Variants in CCDC191 observed in about 807,000 individuals in gnomAD.
CCDC191 encodes the protein coiled-coil domain-containing protein 191.
Under a neutral mutation model 114.0 loss-of-function variants are expected in CCDC191, and 99 were observed. That is an observed-to-expected ratio of 0.87 (90% CI 0.74 to 1.03). The LOEUF is 1.03. Ranked by LOEUF, CCDC191 falls within the 50% of genes least tolerant of loss-of-function variation. The pLI is 0.00. For synonymous variants in CCDC191, 351 were observed against 376.0 expected (o/e 0.93, Z 0.77); for missense variants, 973 against 1,087.0 (o/e 0.90, Z 1.47).
At chr3:114,000,444 C>G (rs931118007) in intron 13 of CCDC191, among the ~76,000 whole-genome samples, 1 of 152,166 alleles carries the variant, frequency 6.6e-6, no homozygotes, top group African/African-American at 2.4e-5. Context: ...TGGCAGATGG[C>G]AGATCATGAG....
chr3:114,047,801 C>T (rs531174640), intron 2 of CCDC191, among the ~76,000 whole-genome samples: 2 of 151,918 alleles, frequency 1.3e-5, no homozygotes, highest in Non-Finnish European at 2.9e-5. Context: ...ACGGTGAAAC[C>T]CTGTATCTAC....
intron 13 of CCDC191, among the ~76,000 whole-genome samples, chr3:113,998,125 G>A (rs1239727393): frequency 6.6e-6 from 1 of 151,758 alleles, no homozygotes; most frequent in East Asian, 1.9e-4. Context: ...GACCCACATA[G>A]AGAAACCTGG....
chr3:114,031,874 C>T (rs1469387733), intron 6 of CCDC191, 95 bp from the exon 7 acceptor site: 2 of 624,726 alleles, frequency 3.2e-6, no homozygotes, highest in East Asian at 5.8e-5. Context: ...CTGAATTCTC[C>T]TTCGGAATAC....
At chr3:114,018,639 G>A (rs554633481) in intron 8 of CCDC191, 39 bp downstream of exon 8, 2 of 1,514,868 alleles carry the variant, frequency 1.3e-6, no homozygotes, top group East Asian at 2.3e-5. Context: ...AAATATCCTA[G>A]ATAAACATAC....
At chr3:114,033,166 C>T (rs149901298) in intron 6 of CCDC191, among the ~76,000 whole-genome samples, 1 of 151,362 alleles carries the variant, frequency 6.6e-6, no homozygotes, top group African/African-American at 2.4e-5. Flanking sequence ...GGCATGATCT[C>T]GGCTCACTGC....
At chr3:113,991,859 A>T (rs2075576976) in intron 13 of CCDC191, among the ~76,000 whole-genome samples, 1 of 152,228 alleles carries the variant, frequency 6.6e-6, no homozygotes, top group Non-Finnish European at 1.5e-5. Flanking sequence ...TTATGTTCCC[A>T]TATTAGCAAT....
At chr3:114,053,770 C>T in intron 1 of CCDC191, 135 bp from the exon 2 acceptor site, 1 of 529,938 alleles carries the variant, frequency 1.9e-6, no homozygotes, top group Non-Finnish European at 3.3e-6. Flanking sequence ...TTAGAAAGTT[C>T]AGCATGATTA....
chr3:113,994,403 A>G (rs1449985841), intron 13 of CCDC191, among the ~76,000 whole-genome samples: 1 of 152,168 alleles, frequency 6.6e-6, no homozygotes, highest in Non-Finnish European at 1.5e-5. Context: ...AATGCTGATG[A>G]GGATGTGCAA....
chr3:113,988,492 G>T (rs988899294), intron 13 of CCDC191, among the ~76,000 whole-genome samples: 4 of 151,834 alleles, frequency 2.6e-5, no homozygotes, highest in African/African-American at 9.7e-5. Context: ...CAGGCGTGGT[G>T]GTGCGTGCCT....
At position 113,986,757 on chromosome 3, in the gene CCDC191, A is replaced by T. The variant is rs965445259; in HGVS notation, c.2164-5964T>A. Reference sequence around the variant, plus strand: ...CTAATTGGACAGAATTAATGTCCTTATAAGAAGCGATACCGTGGTGTGCTT... The same window carrying T: ...CTAATTGGACAGAATTAATGTCCTTTTAAGAAGCGATACCGTGGTGTGCTT... On this transcript the variant is annotated intron_variant, in intron 13 of 16. Transcript: ENST00000295878. Among the ~76,000 whole-genome samples, 3 of 152,288 alleles carry T rather than the reference A, an allele frequency of 2.0e-5. No individual in the cohort carries two copies. In the South Asian group the frequency reaches 6.2e-4, roughly 32 times the overall value.
intron 13 of CCDC191, among the ~76,000 whole-genome samples, chr3:113,989,092 G>C (rs1391447891): frequency 6.6e-6 from 1 of 152,100 alleles, no homozygotes; most frequent in African/African-American, 2.4e-5. Flanking sequence ...CACTGCCCCT[G>C]GCCATGTAAG....
chr3:114,010,851 A>C lies in CCDC191; in HGVS notation c.1334T>G (p.Leu445Arg). 1 of 1,613,956 alleles carries C rather than the reference A, an allele frequency of 6.2e-7. No homozygotes were observed. The highest frequency in any genetic ancestry group is 8.5e-7 in the Non-Finnish European group (1 of 1,179,830). ...GATGCCTGATAACCCATTGGCACTGAGTTTCCCCAGTGATGCTGCCTGCAG... is the reference window on the plus strand; with the variant it reads ...GATGCCTGATAACCCATTGGCACTGCGTTTCCCCAGTGATGCTGCCTGCAG... ...ALLQAASLGK[L>R]SANGLSGISL... Residue 445 changes from leucine (L) to arginine (R), a missense_variant, in exon 9 of 17, where the codon CTC becomes CGC. By Grantham distance (102) the Leu-to-Arg change is moderately radical (BLOSUM62 -2). Coordinates refer to ENST00000295878, the MANE Select transcript of CCDC191 (RefSeq NM_020817.2).
At chr3:114,020,896 G>T (rs971075799) in intron 7 of CCDC191, among the ~76,000 whole-genome samples, 2 of 152,098 alleles carry the variant, frequency 1.3e-5, no homozygotes, top group African/African-American at 4.8e-5. Context: ...TCTTTGTAAA[G>T]TTCAAAGCAT....
chr3:114,035,662 C>A (rs1184284701), intron 5 of CCDC191, among the ~76,000 whole-genome samples: 1 of 152,066 alleles, frequency 6.6e-6, no homozygotes, highest in Non-Finnish European at 1.5e-5. Context: ...ATTTGGAAAT[C>A]AAAAACATGA....
rs752812133 is a variant in CCDC191 at position 114,042,757 on chromosome 3, T to C, written c.361A>G (p.Ser121Gly). The change falls in exon 4 of 17, where the codon AGT becomes GGT. Residue 121 changes from serine to glycine, a missense_variant. Coordinates refer to ENST00000295878, the MANE Select transcript of CCDC191 (RefSeq NM_020817.2). Reference sequence around the variant, plus strand: ...TTGGCTTCCGGCATAATAGTGACACTTGACACAGTGTTTTTAGCATCACCT... The same window carrying C: ...TTGGCTTCCGGCATAATAGTGACACCTGACACAGTGTTTTTAGCATCACCT... Reference protein sequence around the residue: ...EEGDAKNTVSSVTIMPEANGH... With the variant: ...EEGDAKNTVSGVTIMPEANGH... 3 of 1,600,990 alleles carry C rather than the reference T, an allele frequency of 1.9e-6. No individual in the cohort carries two copies. The highest frequency in any genetic ancestry group is 1.1e-5 in the South Asian group (1 of 88,250).
chr3:114,016,666 C>A (rs113771212), intron 8 of CCDC191, among the ~76,000 whole-genome samples: 2 of 152,062 alleles, frequency 1.3e-5, no homozygotes, highest in Admixed American at 1.3e-4. Context: ...CTGAGAAGAT[C>A]TTTTTTAAAA....
chr3:113,985,839 C>G (rs2075336135), intron 13 of CCDC191, among the ~76,000 whole-genome samples: 1 of 152,192 alleles, frequency 6.6e-6, no homozygotes. Context: ...CAATTCCCGG[C>G]TAAATTAGTA....
intron 13 of CCDC191, among the ~76,000 whole-genome samples, chr3:114,000,750 A>G (rs1040652554): frequency 6.6e-6 from 1 of 151,978 alleles, no homozygotes; most frequent in Non-Finnish European, 1.5e-5. Flanking sequence ...TCCTGGGCTC[A>G]AGGATTCCTC....
chr3:114,053,823 A>C (rs1362695039), intron 1 of CCDC191, among the ~76,000 whole-genome samples, 188 bp from the exon 2 acceptor site: 1 of 152,188 alleles, frequency 6.6e-6, no homozygotes, highest in Non-Finnish European at 1.5e-5. Context: ...GAAAACATGA[A>C]GCCTTCCTGG....
Sources: gnomAD v4.1 joint callset for allele counts (sites outside exome capture counted in the v4.1 genomes callset) on GRCh38, gnomAD v4.1.1 for gene constraint, MANE v1.5 for transcripts, NCBI Gene and HGNC (gene_info 2026-07-23, HGNC 2026-07-21) for gene names.